The following CADPS2 variants were observed in gnomAD, a reference collection of about 807,000 sequenced individuals.
The protein encoded by CADPS2 is calcium dependent secretion activator 2, also known as calcium-dependent secretion activator 2.
CADPS2 carries 93 observed loss-of-function variants against 172.5 expected under a neutral mutation model. The ratio of observed to expected loss-of-function variants is 0.54; its 90% confidence interval spans 0.46 to 0.64. The LOEUF (loss-of-function observed/expected upper bound fraction) is 0.64. Ranked by LOEUF, CADPS2 falls within the 30% of genes least tolerant of loss-of-function variation. CADPS2 has a pLI of 0.00. For synonymous variants in CADPS2, 546 were observed against 555.2 expected (o/e 0.98, Z 0.23); for missense variants, 1,420 against 1,565.9 (o/e 0.91, Z 1.57).
At position 122,826,937 on chromosome 7, in the gene CADPS2, G is replaced by A. The variant is rs150411579; in HGVS notation, c.339+59062C>T. Reference sequence around the variant, plus strand: ...GGAAGGAAATAATAAACATAAGAACGTAAATCAATGAAATTAAAAATAGGA... The same window carrying A: ...GGAAGGAAATAATAAACATAAGAACATAAATCAATGAAATTAAAAATAGGA... On this transcript the variant is annotated intron_variant, in intron 1 of 29. Transcript: ENST00000449022. Among the ~76,000 whole-genome samples, 21 of 151,820 alleles carry A rather than the reference G, an allele frequency of 1.4e-4. No homozygotes were observed. In the East Asian group the frequency reaches 2.3e-3, roughly 17 times the overall value.
chr7:122,449,317 T>G (rs995063349), intron 15 of CADPS2, among the ~76,000 whole-genome samples: 11 of 152,042 alleles, frequency 7.2e-5, no homozygotes, highest in Non-Finnish European at 1.6e-4. Flanking sequence ...CAACACTTTT[T>G]TTTGTTTGTT....
At chr7:122,753,294 C>T (rs1304556627) in intron 1 of CADPS2, among the ~76,000 whole-genome samples, 1 of 152,166 alleles carries the variant, frequency 6.6e-6, no homozygotes, top group Non-Finnish European at 1.5e-5. Flanking sequence ...AAGTCTAAAG[C>T]CTTTCACATC....
In CADPS2 at chr7:122,519,032, T is replaced by A. The variant is rs180750383; in HGVS notation, c.1476-5717A>T. On this transcript the variant is annotated intron_variant, in intron 8 of 29. Coordinates refer to ENST00000449022, the MANE Select transcript of CADPS2 (RefSeq NM_017954.11). The stretch of plus-strand genomic sequence containing the variant: ...GAAAAACAAAAGAACACAAATATCA[T>A]CAGTTTTCATGGCCATGCTACATTC... 1.4e-3 allele frequency among the ~76,000 whole-genome samples: 211 copies of A among 152,002 alleles called. 4 individuals are homozygous for A. Among genetic ancestry groups the A allele is most frequent in the Non-Finnish European group, 3.4e-4 (23 of 67,958 alleles).
chr7:122,467,089 T>C (rs1056955235), intron 14 of CADPS2, among the ~76,000 whole-genome samples: 1 of 152,178 alleles, frequency 6.6e-6, no homozygotes, highest in East Asian at 1.9e-4. Context: ...CAGTAATATT[T>C]GAAATATACT....
chr7:122,614,365 C>T (rs2074654877), intron 6 of CADPS2, among the ~76,000 whole-genome samples: 1 of 152,132 alleles, frequency 6.6e-6, no homozygotes, highest in South Asian at 2.1e-4. Context: ...GAACATTTCT[C>T]ATATATCTTC....
chr7:122,386,056 CAG>C (rs369587111), intron 24 of CADPS2, among the ~76,000 whole-genome samples: 31 of 152,000 alleles, frequency 2.0e-4, no homozygotes, highest in African/African-American at 6.7e-4. Flanking sequence ...TGCAGACTAA[CAG>C]GGGAGAAACA....
At chr7:122,532,112 G>A (rs1586915733) in intron 8 of CADPS2, among the ~76,000 whole-genome samples, 1 of 151,792 alleles carries the variant, frequency 6.6e-6, no homozygotes, top group South Asian at 2.1e-4. Context: ...GCTATGCCCC[G>A]ACATTGCAAA....
chr7:122,542,363 C>A (rs180849952), intron 8 of CADPS2, among the ~76,000 whole-genome samples: 1 of 152,130 alleles, frequency 6.6e-6, no homozygotes, highest in Non-Finnish European at 1.5e-5. Context: ...ACCTAACACT[C>A]TCGTTCTCTC....
chr7:122,802,782 A>G (rs745735319), intron 1 of CADPS2, among the ~76,000 whole-genome samples: 1 of 152,208 alleles, frequency 6.6e-6, no homozygotes, highest in Non-Finnish European at 1.5e-5. Flanking sequence ...GAGCCAAAGA[A>G]TTACACATAA....
chr7:122,366,205 T>C (rs1296076239), intron 25 of CADPS2, among the ~76,000 whole-genome samples: 2 of 151,804 alleles, frequency 1.3e-5, no homozygotes, highest in Admixed American at 1.3e-4. Context: ...ATAAACTTGT[T>C]TTAGTAACAT....
chr7:122,869,722 A>G (rs1217906163), intron 1 of CADPS2, among the ~76,000 whole-genome samples: 1 of 152,132 alleles, frequency 6.6e-6, no homozygotes, highest in Non-Finnish European at 1.5e-5. Flanking sequence ...ATATATCTCT[A>G]GTATGAAGAT....
chr7:122,555,892 G>A (rs1471125063), intron 7 of CADPS2, among the ~76,000 whole-genome samples: 3 of 151,990 alleles, frequency 2.0e-5, no homozygotes, highest in Non-Finnish European at 4.4e-5. Flanking sequence ...TGCAGTATAA[G>A]CAGAAATCTT....
At chr7:122,337,777 T>G (rs551105562) in intron 28 of CADPS2, among the ~76,000 whole-genome samples, 1 of 133,392 alleles carries the variant, frequency 7.5e-6, no homozygotes, top group East Asian at 2.0e-4. Flanking sequence ...AAAAAAAAGC[T>G]GAGGAGCAGC....
chr7:122,695,645 TC>T (rs576911549), intron 2 of CADPS2, among the ~76,000 whole-genome samples: 125 of 152,274 alleles, frequency 8.2e-4, no homozygotes, highest in African/African-American at 2.9e-3. Context: ...ACCCTTTCCC[TC>T]CCACTCCAAA....
intron 1 of CADPS2, among the ~76,000 whole-genome samples, chr7:122,858,006 G>GA (rs1244739347): frequency 6.6e-6 from 1 of 152,108 alleles, no homozygotes; most frequent in Non-Finnish European, 1.5e-5. Flanking sequence ...CGTGAAGAGC[G>GA]AAAGAACAAA....
intron 1 of CADPS2, among the ~76,000 whole-genome samples, chr7:122,867,083 T>C (rs1486086838): frequency 6.6e-6 from 1 of 152,170 alleles, no homozygotes; most frequent in African/African-American, 2.4e-5. Flanking sequence ...GTCCTTCACT[T>C]AATTAATCCT....
At position 122,319,658 on chromosome 7, in the gene CADPS2, CAAT is replaced by C. The variant is rs983996090; in HGVS notation, c.*504_*506del. The C allele has an allele frequency of 1.3e-5, 2 of 152,316 alleles. No homozygotes were observed. The highest frequency in any genetic ancestry group is 4.8e-5 in the African/African-American group (2 of 41,416). 9.4% of individuals were successfully genotyped at this position (152,316 alleles called of 1,614,324 possible). ...AAGATTAAAGATTTTATACACATCA[CAAT>C]AATAGCAAATTAAGTACAAAACGAA... On this transcript the variant is annotated 3_prime_UTR_variant, in exon 30 of 30. Coordinates refer to ENST00000449022, the MANE Select transcript of CADPS2 (RefSeq NM_017954.11).
chr7:122,510,040 CAG>C lies in CADPS2; in HGVS notation c.1542+3207_1542+3208del, dbSNP rs1489220561. 3.3e-5 allele frequency among the ~76,000 whole-genome samples: 5 copies of C among 152,114 alleles called. No individual in the cohort carries two copies. The East Asian group carries it at 7.7e-4, about 24-fold the overall frequency. ...AATTCATTTGTTCAAATCTCAAATACAGAGTGTTAAAGGTAACAGATTATTTT... is the reference window on the plus strand; with the variant it reads ...AATTCATTTGTTCAAATCTCAAATACAGTGTTAAAGGTAACAGATTATTTT... On this transcript the variant is annotated intron_variant, in intron 9 of 29. Coordinates refer to ENST00000449022, the MANE Select transcript of CADPS2 (RefSeq NM_017954.11).
intron 2 of CADPS2, among the ~76,000 whole-genome samples, chr7:122,708,449 T>C (rs2087970883): frequency 1.2e-5 from 1 of 86,024 alleles, no homozygotes; most frequent in Non-Finnish European, 2.4e-5. Flanking sequence ...TGTGTATATA[T>C]ATATGTGTGT....
Sources: gnomAD v4.1 joint callset for allele counts (sites outside exome capture counted in the v4.1 genomes callset) on GRCh38, gnomAD v4.1.1 for gene constraint, MANE v1.5 for transcripts, NCBI Gene and HGNC (gene_info 2026-07-23, HGNC 2026-07-21) for gene names.